Variants in TRPM3 observed in about 807,000 individuals in gnomAD.
TRPM3 encodes the protein long transient receptor potential channel 3.
TRPM3 carries 77 observed loss-of-function variants against 181.2 expected under a neutral mutation model. The observed-to-expected ratio is 0.42, with a 90% CI of 0.35 to 0.51. The LOEUF (loss-of-function observed/expected upper bound fraction) is 0.51. Ranked by LOEUF, TRPM3 falls within the 20% of genes least tolerant of loss-of-function variation. TRPM3 has a pLI of 0.01. For synonymous variants in TRPM3, 745 were observed against 796.4 expected, an observed-to-expected ratio of 0.94 and a Z score of 1.09; for missense variants, 1,759 against 2,196.7, an observed-to-expected ratio of 0.80 and a Z score of 3.98.
At chr9:70,744,391 T>C (rs1218214086) in intron 8 of TRPM3, among the ~76,000 whole-genome samples, 1 of 152,024 alleles carries the variant, frequency 6.6e-6, no homozygotes, top group African/African-American at 2.4e-5. Flanking sequence ...ATATTTGCTC[T>C]TCATTTGTAT....
At chr9:71,273,392 C>T (rs1468956895) in intron 1 of TRPM3, among the ~76,000 whole-genome samples, 1 of 152,156 alleles carries the variant, frequency 6.6e-6, no homozygotes, top group African/African-American at 2.4e-5. Context: ...GATGGCTCTG[C>T]CACATGACCT....
At chr9:71,164,942 G>C (rs535442076) in intron 1 of TRPM3, among the ~76,000 whole-genome samples, 30 of 152,230 alleles carry the variant, frequency 2.0e-4, no homozygotes, top group African/African-American at 7.0e-4. Flanking sequence ...ACAATATAAA[G>C]TTTCATGCAT....
chr9:71,108,023 T>A (rs1012401140), intron 1 of TRPM3, among the ~76,000 whole-genome samples: 3 of 152,222 alleles, frequency 2.0e-5, no homozygotes, highest in Non-Finnish European at 4.4e-5. Context: ...AGAAGGCATT[T>A]ACGGGGACAT....
Position 71,382,311 on chromosome 9 carries a change from G to A in TRPM3, c.183+64342C>T, listed in dbSNP as rs1459605459. On this transcript the variant is annotated intron_variant, in intron 1 of 24. Transcript: ENST00000357533. ...GGATCCAGTTTATAGGATTTACCAT[G>A]TGCCAAATGCATTTGAAAAAATTTT... Among the ~76,000 whole-genome samples the A allele has an allele frequency of 2.0e-5, 3 of 152,180 alleles. No individual in the cohort carries two copies. In the East Asian group the frequency reaches 5.8e-4, roughly 29 times the overall value.
At chr9:70,672,199 T>C (rs1043485354) in intron 9 of TRPM3, among the ~76,000 whole-genome samples, 1 of 152,114 alleles carries the variant, frequency 6.6e-6, no homozygotes, top group Non-Finnish European at 1.5e-5. Context: ...TCCACAGTCA[T>C]AGGGATTCTC....
chr9:71,213,254 C>T (rs1014963060), intron 1 of TRPM3, among the ~76,000 whole-genome samples: 44 of 151,932 alleles, frequency 2.9e-4, no homozygotes, highest in Admixed American at 2.9e-3. Context: ...CATTTCATGT[C>T]ATTTTCATGT....
At chr9:70,974,858 C>T (rs1489408173) in intron 1 of TRPM3, among the ~76,000 whole-genome samples, 4 of 122,342 alleles carry the variant, frequency 3.3e-5, no homozygotes, top group Non-Finnish European at 7.1e-5. Context: ...AGTGATGGAA[C>T]ATCAATTTTT....
At chr9:70,839,247 C>T (rs912869422) in intron 5 of TRPM3, among the ~76,000 whole-genome samples, 2 of 152,120 alleles carry the variant, frequency 1.3e-5, no homozygotes, top group Admixed American at 6.6e-5. Flanking sequence ...TACTGAGCAC[C>T]TACTAAGTGT....
chr9:71,395,607 A>T, intron 1 of TRPM3, among the ~76,000 whole-genome samples: 1 of 152,210 alleles, frequency 6.6e-6, no homozygotes, highest in Admixed American at 6.5e-5. Flanking sequence ...ACTATCATTA[A>T]CTATTTTCCT....
chr9:70,950,169 C>A (rs2096983015), intron 1 of TRPM3, among the ~76,000 whole-genome samples: 1 of 152,078 alleles, frequency 6.6e-6, no homozygotes, highest in Admixed American at 6.6e-5. Context: ...TTTAAAGCTG[C>A]CTTATTTAAC....
intron 1 of TRPM3, among the ~76,000 whole-genome samples, chr9:71,069,855 G>T (rs558716026): frequency 6.6e-6 from 1 of 151,860 alleles, no homozygotes; most frequent in African/African-American, 2.4e-5. Context: ...TGCTCCACCC[G>T]CCTCGGCCTC....
intron 1 of TRPM3, among the ~76,000 whole-genome samples, chr9:71,335,815 C>T (rs887319321): frequency 6.6e-6 from 1 of 151,972 alleles, no homozygotes; most frequent in South Asian, 2.1e-4. Context: ...TTTTATACTT[C>T]AATACTAAAT....
chr9:71,247,122 C>T (rs1475455109), intron 1 of TRPM3, among the ~76,000 whole-genome samples: 1 of 152,126 alleles, frequency 6.6e-6, no homozygotes, highest in Non-Finnish European at 1.5e-5. Context: ...CTCAGCCTCC[C>T]AGTGTGCTGG....
At chr9:71,044,236 G>T (rs539325302) in intron 1 of TRPM3, among the ~76,000 whole-genome samples, 9 of 152,096 alleles carry the variant, frequency 5.9e-5, no homozygotes, top group African/African-American at 2.2e-4. Context: ...TACAGAAATG[G>T]CATCTCTATG....
At chr9:70,888,781 C>T (rs2096139901) in intron 1 of TRPM3, among the ~76,000 whole-genome samples, 1 of 152,126 alleles carries the variant, frequency 6.6e-6, no homozygotes, top group African/African-American at 2.4e-5. Flanking sequence ...CGACTTTTGC[C>T]TAAGTTAAGG....
At chr9:70,680,744 A>C (rs1189882042) in intron 9 of TRPM3, among the ~76,000 whole-genome samples, 1 of 152,218 alleles carries the variant, frequency 6.6e-6, no homozygotes, top group Non-Finnish European at 1.5e-5. Flanking sequence ...GAATTTCAGC[A>C]CTGAACAGGA....
chr9:70,915,135 T>C (rs950441954), intron 1 of TRPM3, among the ~76,000 whole-genome samples: 3 of 152,206 alleles, frequency 2.0e-5, no homozygotes, highest in Admixed American at 1.3e-4. Context: ...CAGAGATATG[T>C]GACCTTACAG....
At chr9:71,188,747 T>C (rs901175340) in intron 1 of TRPM3, among the ~76,000 whole-genome samples, 1 of 151,908 alleles carries the variant, frequency 6.6e-6, no homozygotes, top group African/African-American at 2.4e-5. Flanking sequence ...AGAGTCAAAT[T>C]AGCTACTCAC....
intron 1 of TRPM3, among the ~76,000 whole-genome samples, chr9:71,070,616 T>C (rs1465308459): frequency 6.6e-6 from 1 of 152,238 alleles, no homozygotes; most frequent in Non-Finnish European, 1.5e-5. Flanking sequence ...TGTCAACTGA[T>C]ACCCATGCAA....
Sources: gnomAD v4.1 joint callset for allele counts (sites outside exome capture counted in the v4.1 genomes callset) on GRCh38, gnomAD v4.1.1 for gene constraint, MANE v1.5 for transcripts, NCBI Gene and HGNC (gene_info 2026-07-23, HGNC 2026-07-21) for gene names.